The following CTCF variants were observed in gnomAD, a reference collection of about 807,000 sequenced individuals.
The protein encoded by CTCF is transcriptional repressor CTCF.
In CTCF, 7 loss-of-function variants were observed where a neutral mutation model predicts 72.3. The ratio of observed to expected loss-of-function variants is 0.10; its 90% confidence interval spans 0.06 to 0.18. The LOEUF is 0.18. CTCF is among the 10% of genes least tolerant of loss of function. The probability of loss-of-function intolerance (pLI) is 1.00; values close to 1 mark genes in which losing one functional copy is unlikely to be tolerated. For missense variants in CTCF, 516 were observed against 949.1 expected, an observed-to-expected ratio of 0.54 and a Z score of 6.00; for synonymous variants, 374 against 315.8, an observed-to-expected ratio of 1.18 and a Z score of -1.95.
chr16:67,590,472 CAT>C (rs1174968644), intron 2 of CTCF, among the ~76,000 whole-genome samples: 1 of 151,808 alleles, frequency 6.6e-6, no homozygotes, highest in Non-Finnish European at 1.5e-5. Flanking sequence ...TACACACACA[CAT>C]ACAAAAAGCC....
At chr16:67,625,520 A>T (rs1484656206) in intron 7 of CTCF, among the ~76,000 whole-genome samples, 1 of 152,198 alleles carries the variant, frequency 6.6e-6, no homozygotes, top group Non-Finnish European at 1.5e-5. Context: ...TTCTCAAAGC[A>T]TGACCCATTC....
intron 2 of CTCF, among the ~76,000 whole-genome samples, chr16:67,602,864 G>GAA (rs796437405): frequency 2.0e-5 from 3 of 147,100 alleles, no homozygotes; most frequent in African/African-American, 7.5e-5. Context: ...AAAAAAAAGA[G>GAA]AAGAAAATCT....
intron 7 of CTCF, among the ~76,000 whole-genome samples, chr16:67,624,109 G>A (rs1483761784): frequency 2.2e-5 from 3 of 136,160 alleles, no homozygotes; most frequent in Admixed American, 1.4e-4. Flanking sequence ...GTGTGTGTGT[G>A]TGTGTGTATG....
chr16:67,582,606 T>C (rs540731178), intron 2 of CTCF, among the ~76,000 whole-genome samples: 1 of 151,044 alleles, frequency 6.6e-6, no homozygotes, highest in Admixed American at 6.6e-5. Flanking sequence ...GGCACAAGAA[T>C]CACTTGAACC....
chr16:67,619,173 C>T (rs1444846067), intron 5 of CTCF, among the ~76,000 whole-genome samples: 4 of 152,174 alleles, frequency 2.6e-5, no homozygotes, highest in Non-Finnish European at 2.9e-5. Context: ...CGGTAGCTCA[C>T]GCCTGTAATC....
chr16:67,583,478 A>G (rs1352681506), intron 2 of CTCF, among the ~76,000 whole-genome samples: 2 of 151,656 alleles, frequency 1.3e-5, no homozygotes, highest in Non-Finnish European at 2.9e-5. Context: ...CCTGAGGTCA[A>G]GAGTTCAAGA....
At chr16:67,607,846 C>A (rs1025763766) in intron 2 of CTCF, among the ~76,000 whole-genome samples, 1 of 150,058 alleles carries the variant, frequency 6.7e-6, no homozygotes, top group African/African-American at 2.5e-5. Flanking sequence ...AGTGAAACCC[C>A]GTATCTGCTA....
At chr16:67,635,846 G>A (rs1471280320) in intron 10 of CTCF, among the ~76,000 whole-genome samples, 1 of 151,990 alleles carries the variant, frequency 6.6e-6, no homozygotes, top group African/African-American at 2.4e-5. Flanking sequence ...AGCTGGTCTT[G>A]AACTCCTGAA....
intron 2 of CTCF, among the ~76,000 whole-genome samples, chr16:67,571,492 A>C (rs2142715391): frequency 6.6e-6 from 1 of 152,302 alleles, no homozygotes; most frequent in South Asian, 2.1e-4. Flanking sequence ...TGTAGTCCTC[A>C]CTTGTGAGAG....
chr16:67,580,344 G>C (rs1235411460), intron 2 of CTCF, among the ~76,000 whole-genome samples: 1 of 152,100 alleles, frequency 6.6e-6, no homozygotes, highest in East Asian at 1.9e-4. Context: ...TGAGTAGCTA[G>C]GAGTGTAGGT....
At chr16:67,622,289 G>A (rs1378749801) in intron 7 of CTCF, among the ~76,000 whole-genome samples, 3 of 151,740 alleles carry the variant, frequency 2.0e-5, no homozygotes, top group Admixed American at 1.3e-4. Context: ...CTGGGAGGTG[G>A]AGCTTGCAGT....
intron 10 of CTCF, among the ~76,000 whole-genome samples, chr16:67,630,167 AG>A (rs1262431214): frequency 2.6e-5 from 4 of 152,042 alleles, no homozygotes; most frequent in African/African-American, 9.7e-5. Context: ...AGGCCAGCAG[AG>A]TTTCTTTTCC....
chr16:67,591,622 AAG>A (rs2051744889), intron 2 of CTCF, among the ~76,000 whole-genome samples: 1 of 152,186 alleles, frequency 6.6e-6, no homozygotes, highest in Non-Finnish European at 1.5e-5. Flanking sequence ...TTTACTCTAA[AAG>A]AGTTAATAAC....
intron 10 of CTCF, chr16:67,635,681 G>T (rs138405179): frequency 6.6e-6 from 1 of 151,628 alleles, no homozygotes; most frequent in African/African-American, 2.4e-5. Flanking sequence ...TAGAGTCAGG[G>T]TTTCTCCATG....
chr16:67,594,648 G>T (rs752388582), intron 2 of CTCF, among the ~76,000 whole-genome samples: 1 of 152,094 alleles, frequency 6.6e-6, no homozygotes, highest in Non-Finnish European at 1.5e-5. Context: ...GTATACTTAG[G>T]CTTTCACTTA....
At chr16:67,604,756 T>G (rs1406463431) in intron 2 of CTCF, among the ~76,000 whole-genome samples, 1 of 148,274 alleles carries the variant, frequency 6.7e-6, no homozygotes, top group South Asian at 2.2e-4. Flanking sequence ...TTTTTTGTTT[T>G]TTTTTTTTAC....
chr16:67,624,105 G>GTGTGTA (rs2052245353), intron 7 of CTCF, among the ~76,000 whole-genome samples: 3 of 135,432 alleles, frequency 2.2e-5, no homozygotes, highest in Non-Finnish European at 4.8e-5. Context: ...GTGTGTGTGT[G>GTGTGTA]TGTGTGTGTG....
chr16:67,602,451 G>A (rs997623211), intron 2 of CTCF, among the ~76,000 whole-genome samples: 3 of 152,140 alleles, frequency 2.0e-5, no homozygotes, highest in African/African-American at 7.2e-5. Flanking sequence ...TGGGCTTTTT[G>A]TATGTTCCCT....
rs1324659318 is a variant in CTCF at position 67,571,268 on chromosome 16, A to C, written c.-10+4A>C. 1 of 152,590 alleles carries C rather than the reference A, an allele frequency of 6.6e-6. No homozygotes were observed. The highest frequency in any genetic ancestry group is 2.4e-5 in the African/African-American group (1 of 41,436). 9.5% of individuals were successfully genotyped at this position (152,590 alleles called of 1,614,324 possible). On this transcript the variant is annotated splice_donor_region_variant and intron_variant, in intron 2 of 11. Coordinates refer to ENST00000264010, the MANE Select transcript of CTCF (RefSeq NM_006565.4). Reference sequence around the variant, plus strand: ...CTGACTTTGCAGCCACGGAGAGGTAAGTGCTATTTCCATTTTTTCTATCTT... The same window carrying C: ...CTGACTTTGCAGCCACGGAGAGGTACGTGCTATTTCCATTTTTTCTATCTT...
Sources: gnomAD v4.1 joint callset for allele counts (sites outside exome capture counted in the v4.1 genomes callset) on GRCh38, gnomAD v4.1.1 for gene constraint, MANE v1.5 for transcripts, NCBI Gene and HGNC (gene_info 2026-07-23, HGNC 2026-07-21) for gene names.